The following MIR2052HG variants were observed in gnomAD, a reference collection of about 807,000 sequenced individuals.
MIR2052HG encodes the protein MIR2052 host gene.
intron 1 of MIR2052HG, among the ~76,000 whole-genome samples, chr8:74,601,191 G>C (rs1392778961): frequency 6.6e-6 from 1 of 151,980 alleles, no homozygotes; most frequent in Non-Finnish European, 1.5e-5. Context: ...TACTGCAGAG[G>C]CCAAACCTCT....
intron 2 of MIR2052HG, among the ~76,000 whole-genome samples, chr8:74,698,431 C>G (rs1032940123): frequency 2.0e-5 from 3 of 152,176 alleles, no homozygotes; most frequent in South Asian, 2.1e-4. Context: ...AAAAACCCTT[C>G]TAGACATTGG....
chr8:74,752,392 C>T, intron 4 of MIR2052HG: 1 of 439,352 alleles, frequency 2.3e-6, no homozygotes, highest in South Asian at 1.6e-5. Flanking sequence ...AGCATTTGAT[C>T]ACATTTGGGA....
At chr8:74,648,527 G>A (rs973356045) in intron 2 of MIR2052HG, among the ~76,000 whole-genome samples, 4 of 151,892 alleles carry the variant, frequency 2.6e-5, no homozygotes, top group African/African-American at 7.3e-5. Context: ...CTCCCTGTTC[G>A]TACACCCACT....
chr8:74,641,436 T>G (rs1305709643), intron 2 of MIR2052HG, among the ~76,000 whole-genome samples: 1 of 152,204 alleles, frequency 6.6e-6, no homozygotes, highest in Non-Finnish European at 1.5e-5. Context: ...GTCCAGTAGA[T>G]CTTCCATTTG....
At chr8:74,704,319 A>G (rs1463758348) in intron 4 of MIR2052HG, among the ~76,000 whole-genome samples, 1 of 151,974 alleles carries the variant, frequency 6.6e-6, no homozygotes, top group African/African-American at 2.4e-5. Context: ...ATCTTGAGGA[A>G]GTGACCAAGG....
At chr8:74,703,710 G>T (rs1809380113) in intron 4 of MIR2052HG, 1 of 441,160 alleles carries the variant, frequency 2.3e-6, no homozygotes, top group Admixed American at 2.4e-5. Context: ...TATGCTGTGG[G>T]ATCTGGAAGT....
At chr8:74,736,156 G>A (rs16938943) in intron 4 of MIR2052HG, among the ~76,000 whole-genome samples, 16,201 of 152,070 alleles carry the variant, frequency 0.11, 1,965 homozygotes, top group African/African-American at 0.3. Flanking sequence ...CAGTTTTAGA[G>A]ACACAGTCCC....
chr8:74,674,106 C>T (rs1029976620), intron 2 of MIR2052HG, among the ~76,000 whole-genome samples: 5 of 149,750 alleles, frequency 3.3e-5, no homozygotes, highest in African/African-American at 1.2e-4. Context: ...TACAATGATA[C>T]ATGGTGTAGA....
chr8:74,634,440 CT>C (rs1413534862), intron 2 of MIR2052HG, among the ~76,000 whole-genome samples: 1 of 152,144 alleles, frequency 6.6e-6, no homozygotes, highest in Non-Finnish European at 1.5e-5. Context: ...TCACCTGTAT[CT>C]TTACTTATAA....
chr8:74,641,879 C>T (rs1022054645), intron 2 of MIR2052HG, among the ~76,000 whole-genome samples: 1 of 151,882 alleles, frequency 6.6e-6, no homozygotes, highest in Non-Finnish European at 1.5e-5. Context: ...TGGGTATGCT[C>T]AATGGTGGGA....
intron 2 of MIR2052HG, among the ~76,000 whole-genome samples, chr8:74,679,831 C>T (rs1034118234): frequency 5.3e-5 from 8 of 152,006 alleles, no homozygotes; most frequent in East Asian, 1.9e-4. Context: ...CATGAGCCAC[C>T]GTGCCCAGCT....
chr8:74,673,197 C>T (rs1260134924), intron 2 of MIR2052HG, among the ~76,000 whole-genome samples: 1 of 151,884 alleles, frequency 6.6e-6, no homozygotes, highest in Non-Finnish European at 1.5e-5. Context: ...AGATATTTAC[C>T]CAGGCTTTCC....
At chr8:74,635,513 G>A (rs1406334031) in intron 2 of MIR2052HG, among the ~76,000 whole-genome samples, 1 of 152,090 alleles carries the variant, frequency 6.6e-6, no homozygotes, top group Non-Finnish European at 1.5e-5. Context: ...ATAAATTAAA[G>A]GACATGCACA....
intron 1 of MIR2052HG, chr8:74,603,268 G>C (rs541766459): frequency 6.6e-7 from 1 of 1,509,022 alleles, no homozygotes; most frequent in East Asian, 2.3e-5. Flanking sequence ...GAAAGGGATT[G>C]TGGATAAATC....
intron 4 of MIR2052HG, among the ~76,000 whole-genome samples, chr8:74,738,044 G>T (rs1434682988): frequency 6.7e-6 from 1 of 149,090 alleles, no homozygotes; most frequent in Non-Finnish European, 1.5e-5. Context: ...ATGTATGCAT[G>T]TATGTATGTA....
intron 2 of MIR2052HG, among the ~76,000 whole-genome samples, chr8:74,675,132 A>G (rs1276906256): frequency 6.6e-6 from 1 of 152,044 alleles, no homozygotes; most frequent in Non-Finnish European, 1.5e-5. Flanking sequence ...TGAATAAGAA[A>G]ATCATTGCCC....
chr8:74,618,130 C>G (rs1808310791), intron 2 of MIR2052HG, among the ~76,000 whole-genome samples: 1 of 152,208 alleles, frequency 6.6e-6, no homozygotes, highest in Non-Finnish European at 1.5e-5. Context: ...GCCCCCAATT[C>G]CATCGCTTTA....
chr8:74,642,741 G>T (rs1488542409), intron 2 of MIR2052HG, among the ~76,000 whole-genome samples: 1 of 151,974 alleles, frequency 6.6e-6, no homozygotes, highest in Non-Finnish European at 1.5e-5. Context: ...TATTAAAAAT[G>T]CATACCCTTT....
intron 2 of MIR2052HG, among the ~76,000 whole-genome samples, chr8:74,682,447 A>G (rs539732720): frequency 6.6e-6 from 1 of 152,306 alleles, no homozygotes; most frequent in East Asian, 1.9e-4. Flanking sequence ...ATTACTAAAA[A>G]TTAACAAAAT....
Sources: gnomAD v4.1 joint callset for allele counts (sites outside exome capture counted in the v4.1 genomes callset) on GRCh38, gnomAD v4.1.1 for gene constraint, MANE v1.5 for transcripts, NCBI Gene and HGNC (gene_info 2026-07-23, HGNC 2026-07-21) for gene names.